Variants in KPNA1 observed in about 807,000 individuals in gnomAD.
KPNA1 encodes the protein karyopherin subunit alpha 1.
A neutral mutation model predicts 70.5 loss-of-function variants in KPNA1; 10 were observed. The ratio of observed to expected loss-of-function variants is 0.14; its 90% CI spans 0.09 to 0.24. KPNA1 has a LOEUF of 0.24. KPNA1 is among the 10% of genes least tolerant of loss of function. The probability of loss-of-function intolerance (pLI) is 1.00; values close to 1 mark genes in which losing one functional copy is unlikely to be tolerated. For synonymous variants in KPNA1, 192 were observed against 221.9 expected, an observed-to-expected ratio of 0.87 and a Z score of 1.20; for missense variants, 397 against 637.9, an observed-to-expected ratio of 0.62 and a Z score of 4.07.
In KPNA1 at chr3:122,430,411, C is replaced by T. The variant is rs531587876; in HGVS notation, c.1251-2695G>A. On this transcript the variant is annotated intron_variant, in intron 12 of 13. Coordinates refer to ENST00000344337, the MANE Select transcript of KPNA1 (RefSeq NM_002264.4). Reference sequence around the variant, plus strand: ...AACTCAACTGATTTATATTAATTAGCCTATGATAAAATTGGTTTTGATATA... The same window carrying T: ...AACTCAACTGATTTATATTAATTAGTCTATGATAAAATTGGTTTTGATATA... 2.2e-4 allele frequency among the ~76,000 whole-genome samples: 33 copies of T among 151,916 alleles called. No individual in the cohort carries two copies. In the South Asian group the frequency reaches 6.7e-3, roughly 31 times the overall value.
rs965219477 is a variant in KPNA1, at chr3:122,454,276, T to C, written c.433-275A>G. 5.9e-5 allele frequency among the ~76,000 whole-genome samples: 9 copies of C among 152,232 alleles called. No homozygotes were observed. In the East Asian group the frequency reaches 7.7e-4, roughly 13 times the overall value. On this transcript the variant is annotated intron_variant, in intron 5 of 13. Transcript: ENST00000344337. ...GAGTGTTACATATGCTGATATGGTA[T>C]GATCTCCCAAGATATAAATGAAAAC...
chr3:122,468,885 C>T (rs577205746), intron 2 of KPNA1, among the ~76,000 whole-genome samples: 4 of 152,132 alleles, frequency 2.6e-5, no homozygotes, highest in South Asian at 4.1e-4. Flanking sequence ...AAATCTCATT[C>T]GAAATCTTTA....
At chr3:122,507,949 CAT>C (rs2107510443) in intron 1 of KPNA1, among the ~76,000 whole-genome samples, 1 of 144,356 alleles carries the variant, frequency 6.9e-6, no homozygotes, top group African/African-American at 2.4e-5. Flanking sequence ...GGAATTAGCA[CAT>C]ATAGACTGCA....
At position 122,427,089 on chromosome 3, in the gene KPNA1, C is replaced by A; in HGVS notation, c.1513G>T (p.Gly505Trp). The A allele has an allele frequency of 6.2e-7, 1 of 1,614,024 alleles. No individual in the cohort carries two copies. The highest frequency in any genetic ancestry group is 8.5e-7 in the Non-Finnish European group (1 of 1,179,962). ...ATGCTGCTGTCTTCATCTTCGGTCC[C>A]GAAGTAATGCTCAATAAGATCAAAG... ...KAFDLIEHYF[G>W]TEDEDSSIAP... The change falls in exon 14 of 14, where the codon GGG (glycine) becomes TGG (tryptophan). Residue 505 changes from glycine to tryptophan, a missense_variant. Physicochemically the swap from Gly to Trp is radical, Grantham distance 184 (BLOSUM62 -2). Coordinates refer to ENST00000344337, the MANE Select transcript of KPNA1 (RefSeq NM_002264.4).
chr3:122,467,040 TAAA>T (rs2076388846), intron 3 of KPNA1, among the ~76,000 whole-genome samples: 1 of 151,118 alleles, frequency 6.6e-6, no homozygotes. Flanking sequence ...AATAAATAAA[TAAA>T]TAAATAAATA....
intron 2 of KPNA1, among the ~76,000 whole-genome samples, chr3:122,491,801 T>TAGC (rs71955340): frequency 5.4e-4 from 20 of 37,074 alleles, no homozygotes; most frequent in African/African-American, 1.2e-3. Flanking sequence ...ATTTAATCGT[T>TAGC]AGTTATAAGA....
At position 122,422,052 on chromosome 3, in the gene KPNA1, A is replaced by T. The variant is rs2075770777; in HGVS notation, c.*4933T>A. The T allele has an allele frequency of 1.3e-5, 2 of 152,238 alleles. No homozygotes were observed. The highest frequency in any genetic ancestry group is 4.1e-4 in the South Asian group (2 of 4,832). 9.4% of individuals were successfully genotyped at this position (152,238 alleles called of 1,614,324 possible). A position where few individuals can be genotyped will look rare whatever the true frequency, so the allele number is the denominator to read the frequency against. ...ACAAAGAATCATTAGAGCCATTCCA[A>T]ATCTAAGTGTCAGAACACTTTGAAG... On this transcript the variant is annotated 3_prime_UTR_variant, in exon 14 of 14. Transcript: ENST00000344337.
chr3:122,481,227 G>C (rs548134378), intron 2 of KPNA1, among the ~76,000 whole-genome samples: 1 of 152,088 alleles, frequency 6.6e-6, no homozygotes, highest in African/African-American at 2.4e-5. Context: ...ACAAAAACTT[G>C]TATGTGTTCA....
intron 7 of KPNA1, 111 bp from the exon 8 acceptor site, chr3:122,451,744 C>T: frequency 1.3e-6 from 1 of 762,324 alleles, no homozygotes; most frequent in East Asian, 2.7e-5. Flanking sequence ...GATAGCTTTT[C>T]TCCAGAACAT....
At chr3:122,501,030 C>CTTTT (rs112073834) in intron 1 of KPNA1, among the ~76,000 whole-genome samples, 1 of 126,872 alleles carries the variant, frequency 7.9e-6, no homozygotes, top group Non-Finnish European at 1.7e-5. Context: ...CTTTTCTTTC[C>CTTTT]TTTTTTTTTT....
At position 122,509,254 on chromosome 3, in the gene KPNA1, A is replaced by AG. The variant is rs2076927920; in HGVS notation, c.-6+5502_-6+5503insC. On this transcript the variant is annotated intron_variant, in intron 1 of 13. Coordinates refer to ENST00000344337, the MANE Select transcript of KPNA1 (RefSeq NM_002264.4). ...ACAAGACTCTCTATCAAACAAAAAA[A>AG]AAAAAAAGAAAGATAAAACCAAGTA... Among the ~76,000 whole-genome samples the AG allele has an allele frequency of 3.3e-5, 5 of 152,054 alleles. No homozygotes were observed. The South Asian group carries it at 1.0e-3, about 31-fold the overall frequency.
chr3:122,460,337 T>C (rs977211962), intron 5 of KPNA1: 5 of 984,494 alleles, frequency 5.1e-6, no homozygotes, highest in African/African-American at 1.7e-5. Flanking sequence ...TCTTTTCTTA[T>C]GAAAATTATT....
At position 122,496,346 on chromosome 3, in the gene KPNA1, A is replaced by C. The variant is rs546829524; in HGVS notation, c.129+91T>G. ...CACACACACACACACACACACACACACACCCCAACTTTGCTAAAATGAAGA... is the reference window on the plus strand; with the variant it reads ...CACACACACACACACACACACACACCCACCCCAACTTTGCTAAAATGAAGA... On this transcript the variant is annotated intron_variant, in intron 2 of 13. Transcript: ENST00000344337. 15 of 1,180,368 alleles carry C rather than the reference A, an allele frequency of 1.3e-5. No homozygotes were observed. In the African/African-American group the frequency reaches 1.4e-4, roughly 11 times the overall value. The allele number at this position is 1,180,368 out of a possible 1,614,324, so 73.1% of individuals were successfully genotyped here.
intron 6 of KPNA1, among the ~76,000 whole-genome samples, chr3:122,452,477 C>T (rs1259802328): frequency 7.2e-6 from 1 of 139,410 alleles, no homozygotes; most frequent in African/African-American, 2.7e-5. Flanking sequence ...CCAATGCACT[C>T]CAGCCTGGGT....
intron 10 of KPNA1, among the ~76,000 whole-genome samples, chr3:122,437,850 A>G (rs143183257): frequency 6.6e-6 from 1 of 152,382 alleles, no homozygotes; most frequent in African/African-American, 2.4e-5. Flanking sequence ...TGATTAAAAT[A>G]GTATATGGCA....
intron 2 of KPNA1, among the ~76,000 whole-genome samples, chr3:122,485,629 T>C (rs1047036250): frequency 1.3e-5 from 2 of 152,080 alleles, no homozygotes; most frequent in Non-Finnish European, 2.9e-5. Context: ...TTAAAAAATT[T>C]AACTGGAAAG....
At chr3:122,505,850 C>G (rs2076884637) in intron 1 of KPNA1, among the ~76,000 whole-genome samples, 1 of 152,184 alleles carries the variant, frequency 6.6e-6, no homozygotes. Context: ...TCAACTGACA[C>G]CTAGATAACT....
intron 2 of KPNA1, among the ~76,000 whole-genome samples, chr3:122,479,677 T>C (rs1343018236): frequency 2.0e-5 from 3 of 152,052 alleles, no homozygotes; most frequent in East Asian, 3.9e-4. Flanking sequence ...GGAGAATCAC[T>C]TGAACCAAGG....
At chr3:122,470,559 T>A (rs551833184) in intron 2 of KPNA1, among the ~76,000 whole-genome samples, 23 of 151,546 alleles carry the variant, frequency 1.5e-4, no homozygotes, top group African/African-American at 4.8e-4. Context: ...TAAAAATTTT[T>A]AAAAAAAGTT....
Sources: allele counts gnomAD v4.1 joint callset (sites outside exome capture counted in the v4.1 genomes callset), GRCh38; gene constraint gnomAD v4.1.1; transcripts MANE v1.5; gene names NCBI Gene and HGNC (gene_info 2026-07-23, HGNC 2026-07-21).